KCNH2: variants seen among roughly 807,000 people sequenced by gnomAD.
KCNH2 encodes potassium voltage-gated channel subfamily H member 2.
In KCNH2, 35 loss-of-function variants were observed where a neutral mutation model predicts 95.9. The observed-to-expected ratio is 0.37, with a 90% CI of 0.28 to 0.48. The LOEUF (loss-of-function observed/expected upper bound fraction) is 0.48, where lower values mean the gene tolerates loss of function less well. Ranked by LOEUF, KCNH2 falls within the 20% of genes least tolerant of loss-of-function variation. KCNH2 has a pLI of 0.99. For missense variants in KCNH2, 1,274 were observed against 1,702.9 expected, an observed-to-expected ratio of 0.75 and a Z score of 4.43; for synonymous variants, 786 against 754.7, an observed-to-expected ratio of 1.04 and a Z score of -0.68.
chr7:150,969,168 CG>C (rs565106696), intron 2 of KCNH2, among the ~76,000 whole-genome samples: 1 of 152,174 alleles, frequency 6.6e-6, no homozygotes, highest in Non-Finnish European at 1.5e-5. Context: ...CAGCTAGGCT[CG>C]GGTTCCCACT....
chr7:150,974,085 A>G (rs1801906166), intron 2 of KCNH2, among the ~76,000 whole-genome samples: 1 of 152,168 alleles, frequency 6.6e-6, no homozygotes, highest in Admixed American at 6.5e-5. Context: ...GTGGCTGAGT[A>G]AAGACACCTG....
At chr7:150,977,745 GCAC>G in intron 1 of KCNH2, 90 bp downstream of exon 1, 1 of 1,078,016 alleles carries the variant, frequency 9.3e-7, no homozygotes, top group Non-Finnish European at 1.3e-6. Context: ...ACTTGCCGAC[GCAC>G]ACGGCCCGGG....
In KCNH2 at chr7:150,958,507, G is replaced by A. The variant is rs1181633993; in HGVS notation, c.473-5C>T. On this transcript the variant is annotated splice_polypyrimidine_tract_variant and splice_region_variant and intron_variant, in intron 3 of 14. Transcript: ENST00000262186. The stretch of plus-strand genomic sequence containing the variant: ...GGCGGAAGGTCTTGGCGCGGCCTGC[G>A]GGAGAGGAGAGGCACGTGGTCGTGG... 5 of 1,475,832 alleles carry A rather than the reference G, an allele frequency of 3.4e-6. No homozygotes were observed. The highest frequency in any genetic ancestry group is 2.9e-5 in the African/African-American group (2 of 68,496). 91.4% of individuals were successfully genotyped at this position (1,475,832 alleles called of 1,614,324 possible).
chr7:150,971,486 C>A (rs185979165), intron 2 of KCNH2, among the ~76,000 whole-genome samples: 3 of 152,232 alleles, frequency 2.0e-5, no homozygotes, highest in African/African-American at 4.8e-5. Flanking sequence ...ACCGTCCCCA[C>A]CCACGCACAA....
chr7:150,948,017 A>G (rs1800985018), intron 11 of KCNH2, 139 bp from the exon 12 acceptor site: 1 of 1,068,840 alleles, frequency 9.4e-7, no homozygotes, highest in South Asian at 1.7e-5. Flanking sequence ...TTCTTCTGCT[A>G]TCTTGCACCC....
chr7:150,949,666 C>G lies in KCNH2; in HGVS notation c.2398+502G>C, dbSNP rs532662811. 1.8e-5 allele frequency: 20 copies of G among 1,129,032 alleles called. No homozygotes were observed. In the African/African-American group the frequency reaches 1.9e-4, roughly 11 times the overall value. The allele number at this position is 1,129,032 out of a possible 1,614,324, so 69.9% of individuals were successfully genotyped here. On this transcript the variant is annotated intron_variant, in intron 9 of 14. Transcript: ENST00000262186. ...GAGGCACACAGGGCCGAGGGAAGGA[C>G]AGGCAAAGGGGGAGGAAGTCCTCAG...
In KCNH2 at chr7:150,962,627, C is replaced by CAGAGAGAGAG. The variant is rs41307331; in HGVS notation, c.308-2901_308-2892dup. Among the ~76,000 whole-genome samples the CAGAGAGAGAG allele has an allele frequency of 0.14, 19,761 of 146,152 alleles. 1,623 individuals are homozygous for CAGAGAGAGAG. Among genetic ancestry groups the CAGAGAGAGAG allele is most frequent in the African/African-American group, 0.22 (8,826 of 39,232 alleles). ...CACACTTACACACACACACGAGAGA[C>CAGAGAGAGAG]AGAGAGAGAGAGAGAGAGAGAGAGA... On this transcript the variant is annotated intron_variant, in intron 2 of 14. Coordinates refer to ENST00000262186, the MANE Select transcript of KCNH2 (RefSeq NM_000238.4). This position sits in a 1 kb window ranked among gnomAD's most constrained non-coding sequence, Gnocchi z 5.7.
Position 150,955,362 on chromosome 7 carries a change from C to T in KCNH2, c.1128+1929G>A, listed in dbSNP as rs41314390. 2.3e-3 allele frequency: 3,518 copies of T among 1,545,958 alleles called. 70 individuals carry two copies. The African/African-American group carries it at 0.043, about 19-fold the overall frequency. ...AGCCACCTGCCTCAGTGTGCCGGCC[C>T]CAGAAAGAAGAGGAAGGACCGGGTG... On this transcript the variant is annotated intron_variant, in intron 5 of 14. Transcript: ENST00000262186.
In KCNH2 at chr7:150,958,189, G is replaced by T. The variant is rs746282165; in HGVS notation, c.786C>A (p.Gly262=). 24 of 1,360,604 alleles carry T rather than the reference G, an allele frequency of 1.8e-5. No homozygotes were observed. In the South Asian group the frequency reaches 3.8e-4, roughly 21 times the overall value. The allele number at this position is 1,360,604 out of a possible 1,614,324, so 84.3% of individuals were successfully genotyped here. A position where few individuals can be genotyped will look rare whatever the true frequency, so the allele number is the denominator to read the frequency against. ...GCGTCCGGGCCAGGCTGCAGCTGGA[G>T]CCCGAGGCGTCGGGGTTGAGGCTGT... ...RAHSLNPDAS[G]SSCSLARTRS... The change falls in exon 4 of 15, where the codon GGC becomes GGA. Residue 262 remains glycine, a synonymous_variant. Transcript: ENST00000262186.
intron 11 of KCNH2, 26 bp downstream of exon 11, chr7:150,948,418 C>T (rs1366521708): frequency 4.7e-6 from 6 of 1,266,840 alleles, no homozygotes; most frequent in Admixed American, 3.5e-5. Flanking sequence ...CCCCGCCCTC[C>T]CCCTTCCTCC....
Position 150,945,231 on chromosome 7 carries a change from C to T in KCNH2, c.*134G>A. ...CTGCAGGAGAAGATGGTCCCAAGGG[C>T]TGGGGGAGGAGCTGTGCTTTCGAGT... On this transcript the variant is annotated 3_prime_UTR_variant, in exon 15 of 15. Coordinates refer to ENST00000262186, the MANE Select transcript of KCNH2 (RefSeq NM_000238.4). The surrounding 1 kb of genome is among the most constrained non-coding windows in gnomAD (Gnocchi z 5.6). The T allele has an allele frequency of 9.8e-7, 1 of 1,016,110 alleles. No homozygotes were observed. The highest frequency in any genetic ancestry group is 1.4e-6 in the Non-Finnish European group (1 of 709,638). 62.9% of individuals were successfully genotyped at this position (1,016,110 alleles called of 1,614,324 possible).
chr7:150,959,597 GC>G lies in KCNH2; in HGVS notation c.446del (p.Gly149AlafsTer17). On this transcript the variant is annotated frameshift_variant, in exon 3 of 15. Transcript: ENST00000262186. LOFTEE classifies it high-confidence loss of function. ...CTGGGGCCAGCCAGCTGGTGGGGGG[GC>G]CCCGGTGGTTGGTGTCATGAGCCGG... Reference protein sequence around the residue: ...GSPAHDTNHRGPPTSWLAPGR... With the variant: ...GSPAHDTNHRXPPTSWLAPGR... The G allele has an allele frequency of 6.2e-7, 1 of 1,614,100 alleles. No individual in the cohort carries two copies. Among genetic ancestry groups the G allele is most frequent in the Non-Finnish European group, 8.5e-7 (1 of 1,180,000 alleles).
chr7:150,977,620 C>T (rs1323902723), intron 1 of KCNH2, among the ~76,000 whole-genome samples: 2 of 151,642 alleles, frequency 1.3e-5, no homozygotes, highest in African/African-American at 2.4e-5. Context: ...GAGTTTCCCG[C>T]CCCAAGCCCC....
intron 2 of KCNH2, 31 bp from the exon 3 acceptor site, chr7:150,959,767 C>T: frequency 6.2e-7 from 1 of 1,613,804 alleles, no homozygotes; most frequent in East Asian, 2.2e-5. Flanking sequence ...GCCCCCTTGG[C>T]ACCCACTCAG....
chr7:150,955,878 C>A (rs1329748387), intron 5 of KCNH2: 1 of 1,004,286 alleles, frequency 1.0e-6, no homozygotes, highest in African/African-American at 1.7e-5. Flanking sequence ...TAGGCTCCCC[C>A]GCCCCGCCGG....
chr7:150,952,536 C>T lies in KCNH2; in HGVS notation c.1446G>A (p.Val482=). Residue 482 remains valine, a synonymous_variant, in exon 6 of 15, where the codon GTG becomes GTA. Transcript: ENST00000262186. The surrounding 1 kb of genome is among the most constrained non-coding windows in gnomAD (Gnocchi z 7.3). ...RTTYVNANEE[V]VSHPGRIAVH... The stretch of plus-strand genomic sequence containing the variant: ...CGGCGATGCGGCCGGGGTGGCTGAC[C>T]ACCTCCTCGTTGGCATTGACGTAGG... 1 of 1,614,204 alleles carries T rather than the reference C, an allele frequency of 6.2e-7. No homozygotes were observed. Among genetic ancestry groups the T allele is most frequent in the African/African-American group, 1.3e-5 (1 of 75,056 alleles).
At position 150,951,056 on chromosome 7, in the gene KCNH2, T is replaced by C; in HGVS notation, c.2010A>G (p.Thr670=). 1 of 1,614,060 alleles carries C rather than the reference T, an allele frequency of 6.2e-7. No homozygotes were observed. The highest frequency in any genetic ancestry group is 2.2e-5 in the East Asian group (1 of 44,878). Residue 670 remains threonine, a synonymous_variant, in exon 8 of 15, where the codon ACA becomes ACG. Coordinates refer to ENST00000262186, the MANE Select transcript of KCNH2 (RefSeq NM_000238.4). ...GCAGCATCTGTGTGTGGTAGCGGGCTGTGCCCGAGTACAGCCGCTGGATGA... is the reference window on the plus strand; with the variant it reads ...GCAGCATCTGTGTGTGGTAGCGGGCCGTGCCCGAGTACAGCCGCTGGATGA... ...SAIIQRLYSG[T]ARYHTQMLRV... is the part of the protein sequence containing the mutation.
chr7:150,977,945 C>T lies in KCNH2; in HGVS notation c.-32G>A. The T allele has an allele frequency of 6.6e-7, 1 of 1,508,100 alleles. No homozygotes were observed. 93.4% of individuals were successfully genotyped at this position (1,508,100 alleles called of 1,614,324 possible). ...CCCATGGGCGGGCCGGGCGGGCCCC[C>T]ACCCACCCCGGCCCGGCCCGGCCCA... is the stretch of plus-strand genomic sequence containing the variant. On this transcript the variant is annotated 5_prime_UTR_variant, in exon 1 of 15. Coordinates refer to ENST00000262186, the MANE Select transcript of KCNH2 (RefSeq NM_000238.4).
intron 2 of KCNH2, among the ~76,000 whole-genome samples, chr7:150,971,258 T>G (rs3807374): frequency 0.26 from 38,895 of 151,880 alleles, 5,214 homozygotes; most frequent in South Asian, 0.34. Context: ...GGAGGCTGGG[T>G]TCCAAGGCCG....
Sources: gnomAD v4.1 joint callset for allele counts (sites outside exome capture counted in the v4.1 genomes callset) on GRCh38, gnomAD v4.1.1 for gene constraint, Gnocchi (gnomAD v3.1) non-coding constraint, MANE v1.5 for transcripts, NCBI Gene and HGNC (gene_info 2026-07-23, HGNC 2026-07-21) for gene names.